PLXDC2: variants seen among roughly 807,000 people sequenced by gnomAD.
PLXDC2 encodes plexin domain-containing protein 2.
Under a neutral mutation model 68.9 loss-of-function variants are expected in PLXDC2, and 40 were observed. The observed-to-expected ratio is 0.58, with a 90% CI of 0.45 to 0.76. The LOEUF is 0.76. Ranked by LOEUF, PLXDC2 falls within the 30% of genes least tolerant of loss-of-function variation. PLXDC2 has a pLI of 0.00. For missense variants in PLXDC2, 644 were observed against 661.9 expected, an observed-to-expected ratio of 0.97 and a Z score of 0.30; for synonymous variants, 243 against 234.2, an observed-to-expected ratio of 1.04 and a Z score of -0.34.
intron 13 of PLXDC2, among the ~76,000 whole-genome samples, chr10:20,268,830 C>T (rs902675998): frequency 6.6e-6 from 1 of 152,188 alleles, no homozygotes; most frequent in Non-Finnish European, 1.5e-5. Context: ...AACTCAGTCA[C>T]CAGGCAGCGG....
At chr10:20,185,802 TG>T (rs1223681983) in intron 9 of PLXDC2, among the ~76,000 whole-genome samples, 2 of 152,078 alleles carry the variant, frequency 1.3e-5, no homozygotes, top group Admixed American at 1.3e-4. Context: ...ATGAAAGCTA[TG>T]TAGGAAATCC....
intron 4 of PLXDC2, 150 bp from the exon 5 acceptor site, chr10:20,143,145 A>T: frequency 1.3e-6 from 1 of 786,430 alleles, no homozygotes; most frequent in Non-Finnish European, 1.9e-6. Flanking sequence ...ATTGTTAATT[A>T]GATACTAAGA....
chr10:20,185,627 A>G (rs932178757), intron 9 of PLXDC2, among the ~76,000 whole-genome samples: 1 of 151,980 alleles, frequency 6.6e-6, no homozygotes, highest in African/African-American at 2.4e-5. Flanking sequence ...GTTCAAAGGT[A>G]CCTTTTATAT....
intron 1 of PLXDC2, among the ~76,000 whole-genome samples, chr10:19,958,624 G>A (rs933953238): frequency 1.3e-5 from 2 of 152,102 alleles, no homozygotes; most frequent in African/African-American, 2.4e-5. Flanking sequence ...ATACCTCAGA[G>A]GTTGTAACGT....
intron 3 of PLXDC2, among the ~76,000 whole-genome samples, chr10:20,061,551 T>C (rs990961966): frequency 9.2e-5 from 14 of 152,220 alleles, no homozygotes; most frequent in Non-Finnish European, 5.9e-5. Context: ...CTTTTCACTG[T>C]AAAGCTACCA....
intron 4 of PLXDC2, among the ~76,000 whole-genome samples, chr10:20,080,465 C>A (rs1205854314): frequency 6.6e-6 from 1 of 152,118 alleles, no homozygotes; most frequent in African/African-American, 2.4e-5. Flanking sequence ...GGTCTAAGAG[C>A]CCCTGGCAAA....
chr10:20,022,200 G>C (rs1235974882), intron 2 of PLXDC2, among the ~76,000 whole-genome samples: 1 of 152,176 alleles, frequency 6.6e-6, no homozygotes, highest in African/African-American at 2.4e-5. Context: ...AAGGTTCCTA[G>C]ATTGTGTTCA....
At chr10:19,831,373 A>AT (rs1836689059) in intron 1 of PLXDC2, among the ~76,000 whole-genome samples, 1 of 152,066 alleles carries the variant, frequency 6.6e-6, no homozygotes, top group Admixed American at 6.5e-5. Flanking sequence ...TCCTATGGGT[A>AT]TAGATGAACT....
At chr10:20,034,571 A>G (rs758183808) in intron 2 of PLXDC2, among the ~76,000 whole-genome samples, 82 of 152,334 alleles carry the variant, frequency 5.4e-4, no homozygotes, top group African/African-American at 9.1e-4. Context: ...GCTACAGAAC[A>G]TTGCTCACTC....
chr10:20,128,200 A>T (rs1833818153), intron 4 of PLXDC2, among the ~76,000 whole-genome samples: 1 of 152,174 alleles, frequency 6.6e-6, no homozygotes, highest in Admixed American at 6.6e-5. Context: ...CCTGGGGATG[A>T]TCTCTCACCC....
rs1833995474 is a variant in PLXDC2, at chr10:19,951,727, A to G, written c.113-50048A>G. On this transcript the variant is annotated intron_variant, in intron 1 of 13. Transcript: ENST00000377252. ...TGTTCGTTGCAGCACTATTCATAGC[A>G]AAGATGTGGAATCAATTCAGGTGCC... Among the ~76,000 whole-genome samples the G allele has an allele frequency of 7.9e-5, 12 of 152,344 alleles. No homozygotes were observed. The South Asian group carries it at 2.5e-3, about 32-fold the overall frequency.
intron 1 of PLXDC2, among the ~76,000 whole-genome samples, chr10:19,959,860 C>A (rs866052278): frequency 6.6e-6 from 1 of 152,070 alleles, no homozygotes; most frequent in African/African-American, 2.4e-5. Context: ...AGAGCCACAG[C>A]CAGGATTTCT....
intron 4 of PLXDC2, among the ~76,000 whole-genome samples, chr10:20,095,054 T>C: frequency 6.6e-6 from 1 of 152,214 alleles, no homozygotes; most frequent in Middle Eastern, 3.2e-3. Context: ...ATTTTAAAAA[T>C]ATCTGATAGT....
chr10:20,134,601 C>A (rs1169415181), intron 4 of PLXDC2, among the ~76,000 whole-genome samples: 2 of 152,130 alleles, frequency 1.3e-5, no homozygotes, highest in African/African-American at 2.4e-5. Flanking sequence ...AGGCATGGAT[C>A]CTGGGTCAAT....
chr10:19,851,670 C>T (rs1215063226), intron 1 of PLXDC2, among the ~76,000 whole-genome samples: 2 of 152,148 alleles, frequency 1.3e-5, no homozygotes, highest in Non-Finnish European at 2.9e-5. Context: ...CTCAGCCTCC[C>T]CAGTAGCTGG....
intron 1 of PLXDC2, among the ~76,000 whole-genome samples, chr10:19,920,364 C>G (rs1357226687): frequency 6.6e-6 from 1 of 152,214 alleles, no homozygotes; most frequent in South Asian, 2.1e-4. Context: ...CTGCCACACC[C>G]CCATCCTGTG....
Position 19,987,512 on chromosome 10 carries a change from T to C in PLXDC2, c.113-14263T>C, listed in dbSNP as rs1171829518. The stretch of plus-strand genomic sequence containing the variant: ...TATTAAGGTACACTTGCCATCCTTT[T>C]TTTACTCTAGGTTGATTCTTTGAGT... On this transcript the variant is annotated intron_variant, in intron 1 of 13. Coordinates refer to ENST00000377252, the MANE Select transcript of PLXDC2 (RefSeq NM_032812.9). Among the ~76,000 whole-genome samples the C allele has an allele frequency of 2.6e-5, 4 of 152,164 alleles. No homozygotes were observed. In the East Asian group the frequency reaches 5.8e-4, roughly 22 times the overall value.
At position 20,265,572 on chromosome 10, in the gene PLXDC2, A is replaced by C. The variant is rs78832547; in HGVS notation, c.1474-14131A>C. 4.7e-3 allele frequency among the ~76,000 whole-genome samples: 710 copies of C among 152,318 alleles called. 10 individuals carry two copies. The highest frequency in any genetic ancestry group is 0.014 in the African/African-American group (581 of 41,578). ...TCATTTATTGAATGTTAAAATAATA[A>C]TAATGTTTCCGGGGATAATACTACA... is the stretch of plus-strand genomic sequence containing the variant. On this transcript the variant is annotated intron_variant, in intron 13 of 13. Coordinates refer to ENST00000377252, the MANE Select transcript of PLXDC2 (RefSeq NM_032812.9).
chr10:20,279,909 C>G lies in PLXDC2; in HGVS notation c.*90C>G, dbSNP rs1237348497. 2.1e-6 allele frequency: 2 copies of G among 939,138 alleles called. No individual in the cohort carries two copies. Among genetic ancestry groups the G allele is most frequent in the Admixed American group, 1.9e-5 (1 of 53,364 alleles). 58.2% of individuals were successfully genotyped at this position (939,138 alleles called of 1,614,324 possible). A position where few individuals can be genotyped will look rare whatever the true frequency, so the allele number is the denominator to read the frequency against. ...CCTTTAAGACAAACAAACAAACACA[C>G]ACACAAACAAGCTCTAAGCTGCTGT... On this transcript the variant is annotated 3_prime_UTR_variant, in exon 14 of 14. Coordinates refer to ENST00000377252, the MANE Select transcript of PLXDC2 (RefSeq NM_032812.9).
Sources: gnomAD v4.1 joint callset for allele counts (sites outside exome capture counted in the v4.1 genomes callset) on GRCh38, gnomAD v4.1.1 for gene constraint, MANE v1.5 for transcripts, NCBI Gene and HGNC (gene_info 2026-07-23, HGNC 2026-07-21) for gene names.